Variants in ZNF341 observed in about 807,000 individuals in gnomAD.
The protein encoded by ZNF341 is zinc finger protein 341.
Under a neutral mutation model 87.7 loss-of-function variants are expected in ZNF341, and 52 were observed. The ratio of observed to expected loss-of-function variants is 0.59; its 90% confidence interval spans 0.47 to 0.75. The LOEUF (loss-of-function observed/expected upper bound fraction) is 0.75. Ranked by LOEUF, ZNF341 falls within the 30% of genes least tolerant of loss-of-function variation. The pLI is 0.00. For synonymous variants in ZNF341, 459 were observed against 472.7 expected (o/e 0.97, Z 0.38); for missense variants, 977 against 1,145.9 (o/e 0.85, Z 2.13).
intron 3 of ZNF341, among the ~76,000 whole-genome samples, chr20:33,746,382 C>T (rs2018926003): frequency 6.6e-6 from 1 of 151,374 alleles, no homozygotes; most frequent in Admixed American, 6.6e-5. Flanking sequence ...TACAGGCGCG[C>T]ACCACCACGC....
chr20:33,782,573 C>T (rs2019766845), intron 11 of ZNF341, among the ~76,000 whole-genome samples: 1 of 152,156 alleles, frequency 6.6e-6, no homozygotes, highest in Admixed American at 6.6e-5. Flanking sequence ...GTAAAAGATA[C>T]CATGAATTGA....
chr20:33,764,313 C>T (rs2019353389), intron 8 of ZNF341, among the ~76,000 whole-genome samples: 1 of 150,936 alleles, frequency 6.6e-6, no homozygotes, highest in Admixed American at 6.6e-5. Context: ...AGGCGTGAGC[C>T]ACTGCGCCTG....
At position 33,770,221 on chromosome 20, in the gene ZNF341, C is replaced by T; in HGVS notation, c.1551C>T (p.Asp517=). The change falls in exon 10 of 15, where the codon GAC becomes GAT. Residue 517 remains aspartate (D), a synonymous_variant. Coordinates refer to ENST00000375200, the MANE Select transcript of ZNF341 (RefSeq NM_001282933.2). ...LCGKDFPSLY[D]LGVHQYSHSL... is the part of the protein sequence containing the mutation. ...GCAAGGACTTCCCCTCGCTGTACGA[C>T]CTGGGCGTGCACCAGTACTCCCACA... 8.1e-6 allele frequency: 13 copies of T among 1,614,144 alleles called. No individual in the cohort carries two copies. Among genetic ancestry groups the T allele is most frequent in the Non-Finnish European group, 1.1e-5 (13 of 1,180,024 alleles).
At chr20:33,742,311 C>T (rs1187824807) in intron 2 of ZNF341, among the ~76,000 whole-genome samples, 1 of 152,202 alleles carries the variant, frequency 6.6e-6, no homozygotes, top group African/African-American at 2.4e-5. Context: ...ATCCTCCTGC[C>T]TCAGCCTCCT....
intron 10 of ZNF341, among the ~76,000 whole-genome samples, chr20:33,770,856 C>T (rs1167551363): frequency 6.6e-6 from 1 of 152,060 alleles, no homozygotes; most frequent in Non-Finnish European, 1.5e-5. Context: ...CGTGGTGGCT[C>T]ACACCTGTAA....
At position 33,775,477 on chromosome 20, in the gene ZNF341, A is replaced by G. The variant is rs552940493; in HGVS notation, c.1622+5185A>G. Among the ~76,000 whole-genome samples the G allele has an allele frequency of 1.9e-4, 29 of 149,976 alleles. No individual in the cohort carries two copies. The Middle Eastern group carries it at 0.01, about 54-fold the overall frequency. ...ACCCACCTCGGCCTCCCAAAGTGCT[A>G]GGATTACAGGTGTGAGCCACCGTGC... is the stretch of plus-strand genomic sequence containing the variant. On this transcript the variant is annotated intron_variant, in intron 10 of 14. Coordinates refer to ENST00000375200, the MANE Select transcript of ZNF341 (RefSeq NM_001282933.2).
At chr20:33,788,393 AG>A in intron 12 of ZNF341, 1 of 185,780 alleles carries the variant, frequency 5.4e-6, no homozygotes, top group Non-Finnish European at 1.1e-5. Context: ...ACTGCACTCC[AG>A]CCTGGGTGAC....
In ZNF341 at chr20:33,769,960, G is replaced by T. The variant is rs141418652; in HGVS notation, c.1414-124G>T. ...AAACCCTGGGATCCAGTAGCAGCAG[G>T]GGGGCAGAGGGAGCAGTGGTCAGAT... On this transcript the variant is annotated intron_variant, in intron 9 of 14. Coordinates refer to ENST00000375200, the MANE Select transcript of ZNF341 (RefSeq NM_001282933.2). 4.3e-3 allele frequency: 2,777 copies of T among 648,928 alleles called. 9 individuals are homozygous for T. Among genetic ancestry groups the T allele is most frequent in the Non-Finnish European group, 5.6e-3 (2,040 of 366,016 alleles). The allele number at this position is 648,928 out of a possible 1,614,324, so 40.2% of individuals were successfully genotyped here.
At chr20:33,767,384 CTT>C (rs11480143) in intron 9 of ZNF341, among the ~76,000 whole-genome samples, 1 of 144,224 alleles carries the variant, frequency 6.9e-6, no homozygotes, top group African/African-American at 2.6e-5. Flanking sequence ...GTGATCACTT[CTT>C]TTTTTTTTTT....
chr20:33,786,838 C>T (rs748356306), intron 12 of ZNF341, among the ~76,000 whole-genome samples: 11 of 151,530 alleles, frequency 7.3e-5, no homozygotes, highest in South Asian at 2.1e-4. Flanking sequence ...TGTGGTGGTA[C>T]GCACCTGTGA....
chr20:33,734,132 A>T (rs1251994482), intron 1 of ZNF341, among the ~76,000 whole-genome samples: 1 of 152,246 alleles, frequency 6.6e-6, no homozygotes, highest in Admixed American at 6.5e-5. Context: ...AAGAAAGGGC[A>T]GCAGGACTGT....
chr20:33,791,804 C>A lies in ZNF341; in HGVS notation c.*287C>A. 2.5e-6 allele frequency: 1 copy of A among 394,784 alleles called. No individual in the cohort carries two copies. Among genetic ancestry groups the A allele is most frequent in the Admixed American group, 4.0e-5 (1 of 25,116 alleles). The allele number at this position is 394,784 out of a possible 1,614,324, so 24.5% of individuals were successfully genotyped here. On this transcript the variant is annotated 3_prime_UTR_variant, in exon 15 of 15. Transcript: ENST00000375200. ...GCTGAAGCCTGAGCAGCCCAGAGTC[C>A]CGCTGGTCTAGGCTGGTGGTCGGGG...
chr20:33,768,386 G>T (rs1477414846), intron 9 of ZNF341, among the ~76,000 whole-genome samples: 2 of 150,420 alleles, frequency 1.3e-5, no homozygotes, highest in African/African-American at 4.9e-5. Flanking sequence ...GCCTCCCAGA[G>T]TGTTGGGATT....
Position 33,762,054 on chromosome 20 carries a change from A to C in ZNF341, c.1221A>C (p.Thr407=). 6.5e-7 allele frequency: 1 copy of C among 1,537,362 alleles called. No homozygotes were observed. The highest frequency in any genetic ancestry group is 8.9e-7 in the Non-Finnish European group (1 of 1,127,492). The change falls in exon 8 of 15, where the codon ACA becomes ACC. Residue 407 remains threonine, a splice_region_variant and synonymous_variant. Coordinates refer to ENST00000375200, the MANE Select transcript of ZNF341 (RefSeq NM_001282933.2). ...NPSRQEDEES[T]GLGQPLPGAP... is the part of the protein sequence containing the mutation. Reference sequence around the variant, plus strand: ...GCAGGCAGGAGGACGAGGAAAGCACAGGTGGGTGGAAGTAGGGAACGCCAT... The same window carrying C: ...GCAGGCAGGAGGACGAGGAAAGCACCGGTGGGTGGAAGTAGGGAACGCCAT...
At chr20:33,789,496 G>A (rs775193231) in intron 13 of ZNF341, 22 bp from the exon 14 acceptor site, 3 of 1,613,666 alleles carry the variant, frequency 1.9e-6, no homozygotes, top group Non-Finnish European at 2.5e-6. Flanking sequence ...AGCTCCCCCT[G>A]ACCAGTGGCT....
intron 2 of ZNF341, 140 bp downstream of exon 2, chr20:33,741,152 C>A: frequency 1.3e-6 from 1 of 754,956 alleles, no homozygotes; most frequent in Admixed American, 2.4e-5. Flanking sequence ...CTCTCCCCCG[C>A]CTCCCAGCCG....
chr20:33,747,643 C>T lies in ZNF341; in HGVS notation c.340-1280C>T, dbSNP rs76675687. Among the ~76,000 whole-genome samples the T allele has an allele frequency of 2.4e-5, 2 of 83,546 alleles. 1 individual carries two copies. Among genetic ancestry groups the T allele is most frequent in the Non-Finnish European group, 4.2e-5 (2 of 47,578 alleles). 54.8% of individuals were successfully genotyped at this position (83,546 alleles called of 152,430 possible). ...AAAAAAAAAAAAAAAAAAAAAAAAA[C>T]ACAGTCATTTTTCTCACTGCTTGAC... On this transcript the variant is annotated intron_variant, in intron 3 of 14. Transcript: ENST00000375200.
At chr20:33,758,522 C>T (rs1354940687) in intron 6 of ZNF341, among the ~76,000 whole-genome samples, 194 bp from the exon 7 acceptor site, 1 of 152,136 alleles carries the variant, frequency 6.6e-6, no homozygotes, top group East Asian at 1.9e-4. Flanking sequence ...CTTGCTTTCC[C>T]AGCTGGAGCA....
intron 7 of ZNF341, among the ~76,000 whole-genome samples, chr20:33,761,351 G>A (rs1428162424): frequency 3.9e-5 from 6 of 152,078 alleles, no homozygotes; most frequent in African/African-American, 7.2e-5. Flanking sequence ...TGCAACCTCC[G>A]CCTCCTGGGT....
Sources: gnomAD v4.1 joint callset for allele counts (sites outside exome capture counted in the v4.1 genomes callset) on GRCh38, gnomAD v4.1.1 for gene constraint, MANE v1.5 for transcripts, NCBI Gene and HGNC (gene_info 2026-07-23, HGNC 2026-07-21) for gene names.